NFAT5: variants seen among roughly 807,000 people sequenced by gnomAD.
The protein encoded by NFAT5 is nuclear factor of activated T-cells 5.
NFAT5 carries 31 observed loss-of-function variants against 166.5 expected under a neutral mutation model. The ratio of observed to expected loss-of-function variants is 0.19; its 90% CI spans 0.14 to 0.25. NFAT5 has a LOEUF of 0.25. Among genes scored for constraint, NFAT5 ranks in the 10% least tolerant of loss-of-function variants. The pLI, the probability that NFAT5 is intolerant of heterozygous loss-of-function variation, is 1.00. For missense variants in NFAT5, 1,449 were observed against 1,821.8 expected, an observed-to-expected ratio of 0.80 and a Z score of 3.72; for synonymous variants, 612 against 639.7, an observed-to-expected ratio of 0.96 and a Z score of 0.65.
chr16:69,661,867 A>G (rs1296249901), intron 7 of NFAT5, among the ~76,000 whole-genome samples: 1 of 152,192 alleles, frequency 6.6e-6, no homozygotes, highest in Non-Finnish European at 1.5e-5. Context: ...TGGGGAAAAA[A>G]CAGGCAAGTA....
intron 2 of NFAT5, among the ~76,000 whole-genome samples, chr16:69,599,354 A>G (rs1394161952): frequency 2.6e-5 from 4 of 152,092 alleles, no homozygotes; most frequent in Non-Finnish European, 4.4e-5. Flanking sequence ...AGGAGGGAGG[A>G]TCACCTGAGG....
At position 69,625,021 on chromosome 16, in the gene NFAT5, T is replaced by G. The variant is rs1295273876; in HGVS notation, c.128-1382T>G. 9.2e-5 allele frequency among the ~76,000 whole-genome samples: 14 copies of G among 152,060 alleles called. 1 individual carries two copies. The highest frequency in any genetic ancestry group is 9.2e-4 in the Admixed American group (14 of 15,250). ...TTCAAGTGATTCTCCTGCTTCAGCC[T>G]TCTGAGTAGCTGGGATTACAGGTGC... On this transcript the variant is annotated intron_variant, in intron 2 of 14. Coordinates refer to ENST00000349945, the MANE Select transcript of NFAT5 (RefSeq NM_138713.4).
At chr16:69,639,560 A>G (rs537477260) in intron 3 of NFAT5, among the ~76,000 whole-genome samples, 2 of 152,046 alleles carry the variant, frequency 1.3e-5, no homozygotes, top group Non-Finnish European at 2.9e-5. Flanking sequence ...AGTGCTCATT[A>G]TTTTTTTTAA....
rs1190306661 is a variant in NFAT5 at position 69,568,346 on chromosome 16, A to ATATATG, written c.74-148_74-147insATATGT. 4.1e-3 allele frequency: 745 copies of ATATATG among 180,598 alleles called. 5 individuals are homozygous for ATATATG. Among genetic ancestry groups the ATATATG allele is most frequent in the African/African-American group, 0.02 (608 of 30,834 alleles). The allele number at this position is 180,598 out of a possible 1,614,324, so 11.2% of individuals were successfully genotyped here. A position where few individuals can be genotyped will look rare whatever the true frequency, so the allele number is the denominator to read the frequency against. ...AAAATGTATGTGTGTATATATATAT[A>ATATATG]TGTGTGTGTGTGTGTGTGTGTGTGT... is the stretch of plus-strand genomic sequence containing the variant. On this transcript the variant is annotated intron_variant, in intron 1 of 14. Coordinates refer to ENST00000349945, the MANE Select transcript of NFAT5 (RefSeq NM_138713.4).
chr16:69,571,563 T>C (rs1022822412), intron 2 of NFAT5, among the ~76,000 whole-genome samples: 2 of 152,276 alleles, frequency 1.3e-5, no homozygotes, highest in East Asian at 3.9e-4. Context: ...TATTTATGTA[T>C]GCATGTTTTA....
At chr16:69,570,058 A>AATG (rs2016342650) in intron 2 of NFAT5, among the ~76,000 whole-genome samples, 1 of 152,202 alleles carries the variant, frequency 6.6e-6, no homozygotes, top group African/African-American at 2.4e-5. Flanking sequence ...TGAAGAAAAA[A>AATG]ATGAGTGTTA....
At chr16:69,655,257 G>T (rs941306449) in intron 5 of NFAT5, among the ~76,000 whole-genome samples, 2 of 152,110 alleles carry the variant, frequency 1.3e-5, no homozygotes, top group African/African-American at 4.8e-5. Context: ...TAACAGTTTT[G>T]TGAGTTTTCC....
chr16:69,688,202 C>CAAAAAAAAAAAAAAAAAAAAA (rs1188158260), intron 11 of NFAT5, among the ~76,000 whole-genome samples: 1 of 49,510 alleles, frequency 2.0e-5, no homozygotes, highest in Non-Finnish European at 4.2e-5. Context: ...GACTCCGTCT[C>CAAAAAAAAAAAAAAAAAAAAA]AAAAAAAAAA....
intron 3 of NFAT5, among the ~76,000 whole-genome samples, chr16:69,630,006 A>C (rs1311878955): frequency 2.0e-5 from 3 of 151,014 alleles, no homozygotes; most frequent in Non-Finnish European, 4.4e-5. Flanking sequence ...GTGTGATCTC[A>C]GCTCACTGCA....
chr16:69,634,026 C>A (rs2034837925), intron 3 of NFAT5, among the ~76,000 whole-genome samples: 1 of 146,740 alleles, frequency 6.8e-6, no homozygotes, highest in Admixed American at 6.7e-5. Flanking sequence ...GTTTGTAATC[C>A]CAGCACTTTG....
chr16:69,639,343 T>C (rs1399898301), intron 3 of NFAT5, among the ~76,000 whole-genome samples: 2 of 152,198 alleles, frequency 1.3e-5, no homozygotes, highest in East Asian at 3.8e-4. Flanking sequence ...AAGCATTTTA[T>C]TTTTCAGGGA....
chr16:69,606,974 A>C (rs2033445742), intron 2 of NFAT5, among the ~76,000 whole-genome samples: 1 of 152,226 alleles, frequency 6.6e-6, no homozygotes, highest in African/African-American at 2.4e-5. Flanking sequence ...TCCGTGGAAT[A>C]TCTCAGTAAC....
chr16:69,687,843 A>G (rs1477369489), intron 11 of NFAT5, among the ~76,000 whole-genome samples: 1 of 152,210 alleles, frequency 6.6e-6, no homozygotes, highest in East Asian at 1.9e-4. Context: ...AGCCAGGTAC[A>G]GTGGCTAGTG....
At chr16:69,662,072 A>G (rs2036169110) in intron 7 of NFAT5, among the ~76,000 whole-genome samples, 1 of 152,204 alleles carries the variant, frequency 6.6e-6, no homozygotes, top group East Asian at 1.9e-4. Context: ...TTTTAATTGC[A>G]TATAAAAATT....
At chr16:69,611,519 T>G (rs2033701842) in intron 2 of NFAT5, among the ~76,000 whole-genome samples, 1 of 152,210 alleles carries the variant, frequency 6.6e-6, no homozygotes, top group African/African-American at 2.4e-5. Flanking sequence ...CAAGGTAATT[T>G]ATAAACAATA....
intron 10 of NFAT5, among the ~76,000 whole-genome samples, chr16:69,680,278 GT>G (rs1273043356): frequency 6.6e-6 from 1 of 152,172 alleles, no homozygotes; most frequent in African/African-American, 2.4e-5. Context: ...TTCTGCATCA[GT>G]TGTGTTGGAA....
intron 13 of NFAT5, 21 bp from the exon 14 acceptor site, chr16:69,695,115 C>T: frequency 1.3e-6 from 2 of 1,571,882 alleles, no homozygotes; most frequent in Non-Finnish European, 1.8e-6. Flanking sequence ...TTTTAAGCTT[C>T]TGTTTTCAAT....
rs527837416 is a variant in NFAT5, at chr16:69,623,027, C to T, written c.128-3376C>T. On this transcript the variant is annotated intron_variant, in intron 2 of 14. Coordinates refer to ENST00000349945, the MANE Select transcript of NFAT5 (RefSeq NM_138713.4). ...AGGCATAGTGGTGTATGCCTATAAT[C>T]TCAGCAACTTGGGAGGCTGAGGCAG... is the stretch of plus-strand genomic sequence containing the variant. Among the ~76,000 whole-genome samples the T allele has an allele frequency of 2.6e-5, 4 of 152,218 alleles. 1 individual carries two copies. The South Asian group carries it at 8.3e-4, about 32-fold the overall frequency.
chr16:69,703,765 C>T lies in NFAT5; in HGVS notation c.*7414C>T, dbSNP rs771300021. The T allele has an allele frequency of 2.0e-5, 3 of 152,520 alleles. No homozygotes were observed. The highest frequency in any genetic ancestry group is 7.2e-5 in the African/African-American group (3 of 41,418). The allele number at this position is 152,520 out of a possible 1,614,324, so 9.4% of individuals were successfully genotyped here. ...CCCTTCTTATTCCCTTTTTCTCTTC[C>T]TCACTTTATTGCATAACATATTCCT... is the stretch of plus-strand genomic sequence containing the variant. On this transcript the variant is annotated 3_prime_UTR_variant, in exon 15 of 15. Transcript: ENST00000349945.
Sources: gnomAD v4.1 joint callset for allele counts (sites outside exome capture counted in the v4.1 genomes callset) on GRCh38, gnomAD v4.1.1 for gene constraint, MANE v1.5 for transcripts, NCBI Gene and HGNC (gene_info 2026-07-23, HGNC 2026-07-21) for gene names.